Variants in AVL9 observed in about 807,000 individuals in gnomAD.
The protein encoded by AVL9 is late secretory pathway protein AVL9 homolog.
AVL9 carries 49 observed loss-of-function variants against 79.2 expected under a neutral mutation model. That is an observed-to-expected ratio of 0.62 (90% CI 0.49 to 0.79). AVL9 has a LOEUF of 0.79. Ranked by LOEUF, AVL9 falls within the 30% of genes least tolerant of loss-of-function variation. The probability of loss-of-function intolerance (pLI) is 0.00; values close to 1 mark genes in which losing one functional copy is unlikely to be tolerated. For synonymous variants in AVL9, 299 were observed against 280.6 expected (o/e 1.07, Z -0.65); for missense variants, 682 against 776.8 (o/e 0.88, Z 1.45).
intron 11 of AVL9, among the ~76,000 whole-genome samples, chr7:32,570,458 C>T (rs1194795336): frequency 6.6e-6 from 1 of 152,118 alleles, no homozygotes; most frequent in Non-Finnish European, 1.5e-5. Context: ...ACTGGGCCTA[C>T]CACTACCTCA....
At chr7:32,497,868 G>T (rs1786925228) in intron 1 of AVL9, among the ~76,000 whole-genome samples, 1 of 152,034 alleles carries the variant, frequency 6.6e-6, no homozygotes, top group Non-Finnish European at 1.5e-5. Flanking sequence ...AGCCAGGATG[G>T]TCTCGATCTC....
At chr7:32,560,737 A>G (rs1388270465) in intron 10 of AVL9, among the ~76,000 whole-genome samples, 4 of 152,236 alleles carry the variant, frequency 2.6e-5, no homozygotes, top group Non-Finnish European at 1.5e-5. Flanking sequence ...TACTTTGCCC[A>G]GATCCATCAA....
rs1258371484 is a variant in AVL9, at chr7:32,586,581, G to A, written c.*2674G>A. On this transcript the variant is annotated 3_prime_UTR_variant, in exon 16 of 16. Coordinates refer to ENST00000318709, the MANE Select transcript of AVL9 (RefSeq NM_015060.3). Reference sequence around the variant, plus strand: ...TGTGAGCCATAGGAACCAGCACTAGGTCATCTTCTGACATAGCCCTGGTGA... The same window carrying A: ...TGTGAGCCATAGGAACCAGCACTAGATCATCTTCTGACATAGCCCTGGTGA... 6.6e-6 allele frequency: 1 copy of A among 152,160 alleles called. No individual in the cohort carries two copies. 9.4% of individuals were successfully genotyped at this position (152,160 alleles called of 1,614,324 possible). A position where few individuals can be genotyped will look rare whatever the true frequency, so the allele number is the denominator to read the frequency against.
intron 10 of AVL9, among the ~76,000 whole-genome samples, chr7:32,568,192 CT>C (rs1172124556): frequency 2.1e-5 from 3 of 145,774 alleles, no homozygotes; most frequent in African/African-American, 7.9e-5. Context: ...ACATCATATT[CT>C]TTTATTTATT....
At chr7:32,567,912 G>A (rs1372259624) in intron 10 of AVL9, among the ~76,000 whole-genome samples, 3 of 151,850 alleles carry the variant, frequency 2.0e-5, no homozygotes, top group Non-Finnish European at 4.4e-5. Context: ...TAGAGACAGG[G>A]TTTCACCATG....
At chr7:32,565,878 T>C (rs1465344632) in intron 10 of AVL9, among the ~76,000 whole-genome samples, 3 of 151,448 alleles carry the variant, frequency 2.0e-5, no homozygotes, top group African/African-American at 7.3e-5. Flanking sequence ...CGTGGTGGCA[T>C]ACGCCTGTAG....
At chr7:32,513,809 G>A (rs1696526292) in intron 1 of AVL9, among the ~76,000 whole-genome samples, 1 of 152,210 alleles carries the variant, frequency 6.6e-6, no homozygotes, top group South Asian at 2.1e-4. Context: ...TTACTATCTT[G>A]GTGAGGGGAA....
chr7:32,506,452 G>A (rs1787417410), intron 1 of AVL9, among the ~76,000 whole-genome samples: 1 of 152,132 alleles, frequency 6.6e-6, no homozygotes, highest in Non-Finnish European at 1.5e-5. Context: ...AGGATAAGCT[G>A]GTTGATGGGA....
chr7:32,524,529 T>TACACACAC (rs34652596), intron 1 of AVL9, among the ~76,000 whole-genome samples: 53 of 132,270 alleles, frequency 4.0e-4, no homozygotes, highest in African/African-American at 1.4e-3. Context: ...GAGGGAGAAA[T>TACACACAC]ACACACACAC....
chr7:32,510,771 G>T (rs561541354), intron 1 of AVL9, among the ~76,000 whole-genome samples: 1 of 107,406 alleles, frequency 9.3e-6, no homozygotes, highest in East Asian at 3.0e-4. Context: ...GAGCCGTCAG[G>T]TCTGGGTGTA....
intron 1 of AVL9, among the ~76,000 whole-genome samples, chr7:32,503,573 A>AAAC (rs1396168857): frequency 1.3e-5 from 2 of 150,192 alleles, no homozygotes; most frequent in African/African-American, 4.9e-5. Context: ...AAAAAAAAAA[A>AAAC]AAACTAGATT....
In AVL9 at chr7:32,584,453, A is replaced by C. The variant is rs1791670216; in HGVS notation, c.*546A>C. 1 of 155,552 alleles carries C rather than the reference A, an allele frequency of 6.4e-6. No individual in the cohort carries two copies. Among genetic ancestry groups the C allele is most frequent in the African/African-American group, 2.4e-5 (1 of 41,388 alleles). The allele number at this position is 155,552 out of a possible 1,614,324, so 9.6% of individuals were successfully genotyped here. A position where few individuals can be genotyped will look rare whatever the true frequency, so the allele number is the denominator to read the frequency against. ...AATTCACTTCCTCCCAGAAACATGA[A>C]AGTTAGAGGTGGTAGTTCTGAGGAT... On this transcript the variant is annotated 3_prime_UTR_variant, in exon 16 of 16. Coordinates refer to ENST00000318709, the MANE Select transcript of AVL9 (RefSeq NM_015060.3).
intron 10 of AVL9, among the ~76,000 whole-genome samples, chr7:32,566,968 A>G (rs991118621): frequency 6.6e-6 from 1 of 152,230 alleles, no homozygotes; most frequent in Non-Finnish European, 1.5e-5. Context: ...CTGAGTCTTA[A>G]AACTTTTCTA....
In AVL9 at chr7:32,563,631, T is replaced by G. The variant is rs566214524; in HGVS notation, c.1215+4167T>G. 5.9e-5 allele frequency among the ~76,000 whole-genome samples: 9 copies of G among 151,686 alleles called. 1 individual carries two copies. The South Asian group carries it at 1.9e-3, about 32-fold the overall frequency. On this transcript the variant is annotated intron_variant, in intron 10 of 15. Transcript: ENST00000318709. Reference sequence around the variant, plus strand: ...TCAGTTACTAGAACAAAGTATTCTGTTTTTCCCTGAATACTGTCTGGTATC... The same window carrying G: ...TCAGTTACTAGAACAAAGTATTCTGGTTTTCCCTGAATACTGTCTGGTATC...
Position 32,570,125 on chromosome 7 carries a change from C to T in AVL9, c.1321C>T (p.Gln441Ter). The change falls in exon 11 of 16, where the codon CAG becomes TAG. Residue 441 changes from glutamine (Q) to a stop codon, truncating the protein, a stop_gained. Coordinates refer to ENST00000318709, the MANE Select transcript of AVL9 (RefSeq NM_015060.3). LOFTEE classifies it high-confidence loss of function. ...AGATNILFRQ[Q>*]KHLSDAIVEV... ...AGCTACTAACATCCTTTTTCGACAA[C>T]AGAAACACCTCAGTGATGCCATTGT... 1 of 1,614,172 alleles carries T rather than the reference C, an allele frequency of 6.2e-7. No individual in the cohort carries two copies. Among genetic ancestry groups the T allele is most frequent in the Non-Finnish European group, 8.5e-7 (1 of 1,180,026 alleles).
chr7:32,545,444 T>G (rs890773705), intron 3 of AVL9, among the ~76,000 whole-genome samples: 1 of 142,570 alleles, frequency 7.0e-6, no homozygotes, highest in Non-Finnish European at 1.5e-5. Context: ...CAATCTTGGC[T>G]CACTGCAGCC....
chr7:32,565,559 C>CAAAAA (rs56944092), intron 10 of AVL9, among the ~76,000 whole-genome samples: 1 of 141,098 alleles, frequency 7.1e-6, no homozygotes, highest in Non-Finnish European at 1.5e-5. Context: ...AACTCCGTCT[C>CAAAAA]AAAAAAAAAA....
chr7:32,573,515 C>A, intron 12 of AVL9, 97 bp downstream of exon 12: 1 of 1,105,594 alleles, frequency 9.0e-7, no homozygotes, highest in Non-Finnish European at 1.3e-6. Context: ...AATACATATT[C>A]CTTATAGAAA....
At chr7:32,512,478 C>T (rs753435004) in intron 1 of AVL9, among the ~76,000 whole-genome samples, 10 of 152,144 alleles carry the variant, frequency 6.6e-5, no homozygotes, top group Admixed American at 3.3e-4. Flanking sequence ...AGAACTTGGC[C>T]AGAAAGAGGG....
Sources: gnomAD v4.1 joint callset for allele counts (sites outside exome capture counted in the v4.1 genomes callset) on GRCh38, gnomAD v4.1.1 for gene constraint, MANE v1.5 for transcripts, NCBI Gene and HGNC (gene_info 2026-07-23, HGNC 2026-07-21) for gene names.